The following RASAL1 variants were observed in gnomAD, a reference collection of about 807,000 sequenced individuals.
RASAL1 encodes the protein RAS protein activator like 1, also known as rasGAP-activating-like protein 1.
Under a neutral mutation model 96.6 loss-of-function variants are expected in RASAL1, and 72 were observed. The ratio of observed to expected loss-of-function variants is 0.75; its 90% CI spans 0.62 to 0.91. The LOEUF is 0.91. Among genes scored for constraint, RASAL1 ranks in the 40% least tolerant of loss-of-function variants. The probability of loss-of-function intolerance (pLI) is 0.00; values close to 1 mark genes in which losing one functional copy is unlikely to be tolerated. For synonymous variants in RASAL1, 405 were observed against 430.4 expected, an observed-to-expected ratio of 0.94 and a Z score of 0.73; for missense variants, 1,016 against 1,072.5, an observed-to-expected ratio of 0.95 and a Z score of 0.74.
chr12:113,134,675 T>A (rs1951845626), intron 1 of RASAL1, among the ~76,000 whole-genome samples: 1 of 152,230 alleles, frequency 6.6e-6, no homozygotes, highest in South Asian at 2.1e-4. Flanking sequence ...CATATTCTGC[T>A]GATTCAGCAG....
At position 113,099,416 on chromosome 12, in the gene RASAL1, C is replaced by T. The variant is rs1674099; in HGVS notation, c.*513G>A. 0.9 allele frequency: 137,837 copies of T among 152,408 alleles called. 62,470 individuals are homozygous for T. The highest frequency in any genetic ancestry group is 0.94 in the Admixed American group (14,433 of 15,304). The allele number at this position is 152,408 out of a possible 1,614,324, so 9.4% of individuals were successfully genotyped here. ...ACCCAGCCTTGGTTCTTCCTGAGGG[C>T]ACCTGATTCTGGAAGCTTGTGGTTG... On this transcript the variant is annotated 3_prime_UTR_variant, in exon 21 of 21. Transcript: ENST00000548055.
chr12:113,121,748 G>T (rs925175031), intron 4 of RASAL1, 110 bp from the exon 5 acceptor site: 26 of 1,268,774 alleles, frequency 2.0e-5, no homozygotes, highest in African/African-American at 1.8e-4. Context: ...TTGACACAGG[G>T]TCTGGTTCTG....
In RASAL1 at chr12:113,130,825, T is replaced by G; in HGVS notation, c.122+60A>C. 1 of 1,401,424 alleles carries G rather than the reference T, an allele frequency of 7.1e-7. No individual in the cohort carries two copies. 86.8% of individuals were successfully genotyped at this position (1,401,424 alleles called of 1,614,324 possible). A position where few individuals can be genotyped will look rare whatever the true frequency, so the allele number is the denominator to read the frequency against. Reference sequence around the variant, plus strand: ...TAAATGTGAATTCTTGGTCCCAGATTCCCCAGGTCTAGAAAGAGACCCCTC... The same window carrying G: ...TAAATGTGAATTCTTGGTCCCAGATGCCCCAGGTCTAGAAAGAGACCCCTC... On this transcript the variant is annotated intron_variant, in intron 2 of 20. Coordinates refer to ENST00000548055, the MANE Select transcript of RASAL1 (RefSeq NM_001301202.2). This position sits in a 1 kb window ranked among gnomAD's most constrained non-coding sequence, Gnocchi z 5.1.
chr12:113,103,660 T>G, intron 18 of RASAL1: 5 of 502,402 alleles, frequency 1.0e-5, no homozygotes, highest in South Asian at 2.8e-5. Flanking sequence ...AACAAGCTCA[T>G]GATGTTTGAG....
chr12:113,116,112 G>T, intron 8 of RASAL1, 61 bp from the exon 9 acceptor site: 1 of 1,417,526 alleles, frequency 7.1e-7, no homozygotes, highest in Non-Finnish European at 9.5e-7. Context: ...GCTCACGCCT[G>T]TAATCCCAGC....
chr12:113,128,660 C>T (rs1196107781), intron 2 of RASAL1, among the ~76,000 whole-genome samples: 1 of 152,130 alleles, frequency 6.6e-6, no homozygotes, highest in Non-Finnish European at 1.5e-5. Context: ...CACGGATTCA[C>T]ACTGAGACAG....
Position 113,112,275 on chromosome 12 carries a change from C to G in RASAL1, c.1185G>C (p.Arg395Ser). Residue 395 changes from arginine (R) to serine (S), a missense_variant, in exon 13 of 21, where the codon AGG becomes AGC. Arg to Ser is a moderately radical substitution (Grantham distance 110). Transcript: ENST00000548055. ...CCGAGAGTGCGCCTTTGAAGGAGAT[C>G]CTCCTGGAGGGGCCGGCGGAGCAGC... is the stretch of plus-strand genomic sequence containing the variant. Reference protein sequence around the residue: ...PCKMDLGRTRRISFKGALSEE... With the variant: ...PCKMDLGRTRSISFKGALSEE... The G allele has an allele frequency of 7.9e-7, 1 of 1,258,600 alleles. No homozygotes were observed. Among genetic ancestry groups the G allele is most frequent in the Non-Finnish European group, 1.0e-6 (1 of 993,272 alleles). 78.0% of individuals were successfully genotyped at this position (1,258,600 alleles called of 1,614,324 possible).
chr12:113,111,658 A>G (rs1410378531), intron 13 of RASAL1, among the ~76,000 whole-genome samples: 1 of 152,152 alleles, frequency 6.6e-6, no homozygotes, highest in East Asian at 1.9e-4. Context: ...CAGTGGCGCA[A>G]TCTCGGCTCA....
Position 113,100,203 on chromosome 12 carries a change from A to G in RASAL1, c.2279-135T>C, listed in dbSNP as rs1950392438. ...CTAAAATCCTTGAGAATCCCCACACACAGCCCTGTGGCCTGATAATGGACT... is the reference window on the plus strand; with the variant it reads ...CTAAAATCCTTGAGAATCCCCACACGCAGCCCTGTGGCCTGATAATGGACT... On this transcript the variant is annotated intron_variant, in intron 20 of 20. Transcript: ENST00000548055. 6 of 1,024,630 alleles carry G rather than the reference A, an allele frequency of 5.9e-6. No individual in the cohort carries two copies. The East Asian group carries it at 1.1e-4, about 18-fold the overall frequency. 63.5% of individuals were successfully genotyped at this position (1,024,630 alleles called of 1,614,324 possible).
At chr12:113,120,791 C>T (rs1436618324) in intron 5 of RASAL1, among the ~76,000 whole-genome samples, 3 of 152,150 alleles carry the variant, frequency 2.0e-5, no homozygotes, top group Non-Finnish European at 4.4e-5. Flanking sequence ...TTCTTTGGGA[C>T]AGGACCTATC....
Position 113,115,283 on chromosome 12 carries a change from G to A in RASAL1, c.1004-19C>T. ...GGGTCCACTGGGAGGACAGGAGGAAGTGTTTGCTGGGATTTAGGGAGCTGA... is the reference window on the plus strand; with the variant it reads ...GGGTCCACTGGGAGGACAGGAGGAAATGTTTGCTGGGATTTAGGGAGCTGA... On this transcript the variant is annotated intron_variant, in intron 10 of 20. Transcript: ENST00000548055. The surrounding 1 kb of genome is among the most constrained non-coding windows in gnomAD (Gnocchi z 4.1). 2 of 1,607,936 alleles carry A rather than the reference G, an allele frequency of 1.2e-6. No homozygotes were observed. The highest frequency in any genetic ancestry group is 4.5e-5 in the East Asian group (2 of 44,842).
At chr12:113,111,237 T>C (rs1455728975) in intron 13 of RASAL1, among the ~76,000 whole-genome samples, 1 of 152,254 alleles carries the variant, frequency 6.6e-6, no homozygotes, top group Admixed American at 6.5e-5. Context: ...ACTTACTGTA[T>C]GCCAGATCTG....
Position 113,108,080 on chromosome 12 carries a change from G to A in RASAL1, c.1512+5C>T, listed in dbSNP as rs749391606. 1 of 1,607,866 alleles carries A rather than the reference G, an allele frequency of 6.2e-7. No homozygotes were observed. ...CCTAGGATGGGGGAAACCCATGGCT[G>A]GCACCTTGGCAAGCAACAGCAGTGA... On this transcript the variant is annotated splice_donor_5th_base_variant and intron_variant, in intron 14 of 20. Coordinates refer to ENST00000548055, the MANE Select transcript of RASAL1 (RefSeq NM_001301202.2).
chr12:113,125,600 C>T (rs759815856), intron 4 of RASAL1, among the ~76,000 whole-genome samples: 4 of 152,288 alleles, frequency 2.6e-5, no homozygotes, highest in Non-Finnish European at 5.9e-5. Context: ...GGTCTGAGTG[C>T]GGTGGTGTTT....
At chr12:113,119,013 T>G in intron 7 of RASAL1, 115 bp downstream of exon 7, 2 of 1,312,040 alleles carry the variant, frequency 1.5e-6, no homozygotes, top group Non-Finnish European at 2.1e-6. Flanking sequence ...GGGAACCTGA[T>G]GAGGCAGCTG....
Position 113,135,676 on chromosome 12 carries a change from G to A in RASAL1, c.-214C>T, listed in dbSNP as rs1951888170. ...GCGCCCGTCCGGACTCTACAGGTAG[G>A]AGCCGTGCTCCGAGCAGGAGGAGCG... On this transcript the variant is annotated 5_prime_UTR_variant, in exon 1 of 21. Coordinates refer to ENST00000548055, the MANE Select transcript of RASAL1 (RefSeq NM_001301202.2). The surrounding 1 kb of genome is among the most constrained non-coding windows in gnomAD (Gnocchi z 5.7). 1.9e-6 allele frequency: 1 copy of A among 522,608 alleles called. No individual in the cohort carries two copies. The allele number at this position is 522,608 out of a possible 1,614,324, so 32.4% of individuals were successfully genotyped here.
rs779740196 is a variant in RASAL1, at chr12:113,115,895, G to A, written c.849+39C>T. The A allele has an allele frequency of 4.5e-5, 71 of 1,582,404 alleles. No individual in the cohort carries two copies. The highest frequency in any genetic ancestry group is 2.5e-4 in the South Asian group (22 of 86,724). On this transcript the variant is annotated intron_variant, in intron 9 of 20. Coordinates refer to ENST00000548055, the MANE Select transcript of RASAL1 (RefSeq NM_001301202.2). This position sits in a 1 kb window ranked among gnomAD's most constrained non-coding sequence, Gnocchi z 4.1. Reference sequence around the variant, plus strand: ...GGGGGAGGCCAGGATCCAGACCCCCGGCACCCGCCTGATAGCATTGCTTGC... The same window carrying A: ...GGGGGAGGCCAGGATCCAGACCCCCAGCACCCGCCTGATAGCATTGCTTGC...
intron 1 of RASAL1, among the ~76,000 whole-genome samples, chr12:113,133,719 G>A (rs1426264754): frequency 6.6e-6 from 1 of 152,160 alleles, no homozygotes; most frequent in African/African-American, 2.4e-5. Flanking sequence ...TTTGAAGAAG[G>A]GTGCTGACAG....
intron 1 of RASAL1, among the ~76,000 whole-genome samples, chr12:113,132,273 T>C (rs1353239633): frequency 6.6e-6 from 1 of 152,062 alleles, no homozygotes; most frequent in Non-Finnish European, 1.5e-5. Context: ...ACAGCCGGCC[T>C]CCCTTATTTC....
Sources: allele counts gnomAD v4.1 joint callset (sites outside exome capture counted in the v4.1 genomes callset), GRCh38; gene constraint gnomAD v4.1.1; non-coding constraint Gnocchi (gnomAD v3.1); transcripts MANE v1.5; gene names NCBI Gene and HGNC (gene_info 2026-07-23, HGNC 2026-07-21).